Variants in ARHGEF15 observed in about 807,000 individuals in gnomAD.
ARHGEF15 encodes Rho guanine nucleotide exchange factor 15.
Under a neutral mutation model 79.7 loss-of-function variants are expected in ARHGEF15, and 58 were observed. The ratio of observed to expected loss-of-function variants is 0.73; its 90% confidence interval spans 0.59 to 0.91. The LOEUF is 0.91. ARHGEF15 is among the 40% of genes least tolerant of loss of function. The pLI is 0.00. For synonymous variants in ARHGEF15, 442 were observed against 456.0 expected, an observed-to-expected ratio of 0.97 and a Z score of 0.39; for missense variants, 1,012 against 1,108.1, an observed-to-expected ratio of 0.91 and a Z score of 1.23.
At chr17:8,311,226 G>A (rs1904588933) in intron 1 of ARHGEF15, among the ~76,000 whole-genome samples, 1 of 151,978 alleles carries the variant, frequency 6.6e-6, no homozygotes, top group South Asian at 2.1e-4. Context: ...CTTCCTCGAG[G>A]GAGGAAGAGA....
At chr17:8,316,279 C>A in intron 9 of ARHGEF15, 131 bp downstream of exon 9, 1 of 1,375,286 alleles carries the variant, frequency 7.3e-7, no homozygotes, top group South Asian at 1.5e-5. Context: ...AATCATAACT[C>A]CGAATCTGGG....
chr17:8,316,381 G>T (rs915513722), intron 9 of ARHGEF15, among the ~76,000 whole-genome samples: 2 of 152,208 alleles, frequency 1.3e-5, no homozygotes, highest in Non-Finnish European at 2.9e-5. Context: ...GCAGGGAAAG[G>T]CCCTCTGGCT....
Position 8,318,698 on chromosome 17 carries a change from C to T in ARHGEF15, c.1872+36C>T. On this transcript the variant is annotated intron_variant, in intron 11 of 15. Transcript: ENST00000361926. The surrounding 1 kb of genome is among the most constrained non-coding windows in gnomAD (Gnocchi z 5.0). ...GCCCAGGCTCCCCATCTTGCCCTGC[C>T]CCATGTTGCTGCTGCCACGCTAGAA... 1.2e-6 allele frequency: 2 copies of T among 1,610,176 alleles called. No homozygotes were observed. The highest frequency in any genetic ancestry group is 1.7e-6 in the Non-Finnish European group (2 of 1,177,602).
At chr17:8,314,785 G>T in intron 4 of ARHGEF15, 121 bp from the exon 5 acceptor site, 1 of 973,694 alleles carries the variant, frequency 1.0e-6, no homozygotes, top group Non-Finnish European at 1.5e-6. Context: ...GATTTGGGGA[G>T]CCGTCAGGGT....
intron 1 of ARHGEF15, 43 bp from the exon 2 acceptor site, chr17:8,311,948 G>A (rs1325594073): frequency 7.4e-7 from 1 of 1,352,444 alleles, no homozygotes; most frequent in African/African-American, 1.5e-5. Flanking sequence ...TACCCTCCCT[G>A]TGGGGCACTA....
rs943452751 is a variant in ARHGEF15 at position 8,315,918 on chromosome 17, CA to C, written c.1574+12del. On this transcript the variant is annotated intron_variant, in intron 8 of 15. Transcript: ENST00000361926. The surrounding 1 kb of genome is among the most constrained non-coding windows in gnomAD (Gnocchi z 4.3). ...CTACAGCCGCCTCATGTGAGTGTCC[CA>C]GGGGTGGGGAGGAAGCTGGGGAGAG... 1.9e-6 allele frequency: 3 copies of C among 1,607,236 alleles called. No homozygotes were observed. The highest frequency in any genetic ancestry group is 2.7e-5 in the African/African-American group (2 of 74,874).
At chr17:8,320,775 G>T (rs1241768163) in intron 15 of ARHGEF15, 67 bp from the exon 16 acceptor site, 1 of 1,487,074 alleles carries the variant, frequency 6.7e-7, no homozygotes, top group Non-Finnish European at 9.3e-7. Flanking sequence ...ACCCCACGAG[G>T]CCCCCTTTGC....
Position 8,318,518 on chromosome 17 carries a change from T to C in ARHGEF15, c.1780-52T>C. 1 of 1,612,918 alleles carries C rather than the reference T, an allele frequency of 6.2e-7. No homozygotes were observed. Among genetic ancestry groups the C allele is most frequent in the Non-Finnish European group, 8.5e-7 (1 of 1,179,372 alleles). ...GTGACAAGGTGGTAGAGAGAAATGG[T>C]AGGGAGCAGGGGGCTGGCCGCTGGG... On this transcript the variant is annotated intron_variant, in intron 10 of 15. Coordinates refer to ENST00000361926, the MANE Select transcript of ARHGEF15 (RefSeq NM_173728.4). The surrounding 1 kb of genome is among the most constrained non-coding windows in gnomAD (Gnocchi z 5.0).
At chr17:8,311,947 T>C in intron 1 of ARHGEF15, 44 bp from the exon 2 acceptor site, 1 of 1,355,398 alleles carries the variant, frequency 7.4e-7, no homozygotes, top group South Asian at 1.6e-5. Flanking sequence ...TTACCCTCCC[T>C]GTGGGGCACT....
In ARHGEF15 at chr17:8,318,544, G is replaced by T. The variant is rs1207196354; in HGVS notation, c.1780-26G>T. ...AGGGAGCAGGGGGCTGGCCGCTGGG[G>T]TGGTGACACAGCTCCCCTTACCTAG... On this transcript the variant is annotated intron_variant, in intron 10 of 15. Coordinates refer to ENST00000361926, the MANE Select transcript of ARHGEF15 (RefSeq NM_173728.4). The surrounding 1 kb of genome is among the most constrained non-coding windows in gnomAD (Gnocchi z 5.0). 1.9e-6 allele frequency: 3 copies of T among 1,612,714 alleles called. No homozygotes were observed. The highest frequency in any genetic ancestry group is 3.3e-5 in the Admixed American group (2 of 59,946).
chr17:8,312,793 G>C, intron 2 of ARHGEF15, 129 bp from the exon 3 acceptor site: 1 of 1,565,920 alleles, frequency 6.4e-7, no homozygotes, highest in South Asian at 1.1e-5. Context: ...GGGAGTCAGG[G>C]TGGAGGAGAT....
chr17:8,312,800 A>T, intron 2 of ARHGEF15, 122 bp from the exon 3 acceptor site: 1 of 1,553,298 alleles, frequency 6.4e-7, no homozygotes, highest in Non-Finnish European at 8.8e-7. Context: ...AGGGTGGAGG[A>T]GATCTATAGA....
Position 8,316,257 on chromosome 17 carries a change from T to C in ARHGEF15, c.1704+109T>C, listed in dbSNP as rs184366685. The C allele has an allele frequency of 7.7e-5, 110 of 1,433,430 alleles. 1 individual carries two copies. Among genetic ancestry groups the C allele is most frequent in the Admixed American group, 2.4e-5 (1 of 41,456 alleles). The allele number at this position is 1,433,430 out of a possible 1,614,324, so 88.8% of individuals were successfully genotyped here. A position where few individuals can be genotyped will look rare whatever the true frequency, so the allele number is the denominator to read the frequency against. On this transcript the variant is annotated intron_variant, in intron 9 of 15. Coordinates refer to ENST00000361926, the MANE Select transcript of ARHGEF15 (RefSeq NM_173728.4). ...ACCATGCACTACTCCACCTTAAACATAAAATCCCCCAAATCATAACTCCGA... is the reference window on the plus strand; with the variant it reads ...ACCATGCACTACTCCACCTTAAACACAAAATCCCCCAAATCATAACTCCGA...
In ARHGEF15 at chr17:8,315,857, G is replaced by A; in HGVS notation, c.1524G>A (p.Val508=). The change falls in exon 8 of 16, where the codon GTG becomes GTA. Residue 508 remains valine (V), a synonymous_variant. Transcript: ENST00000361926. This position sits in a 1 kb window ranked among gnomAD's most constrained non-coding sequence, Gnocchi z 4.3. The part of the protein sequence containing the change: ...AHAVGPFSVY[V]DYVRNQQYQE... The stretch of plus-strand genomic sequence containing the variant: ...CTGTGGGGCCTTTCTCGGTGTATGT[G>A]GATTATGTGCGGAACCAGCAGTATC... 6.2e-7 allele frequency: 1 copy of A among 1,612,224 alleles called. No homozygotes were observed. Among genetic ancestry groups the A allele is most frequent in the Non-Finnish European group, 8.5e-7 (1 of 1,179,998 alleles).
chr17:8,316,833 A>C (rs1161898842), intron 9 of ARHGEF15, among the ~76,000 whole-genome samples: 2 of 152,176 alleles, frequency 1.3e-5, no homozygotes, highest in African/African-American at 2.4e-5. Context: ...CCCAGGCTGG[A>C]GTACAGTGGC....
chr17:8,315,887 G>A lies in ARHGEF15; in HGVS notation c.1554G>A (p.Glu518=). 1 of 1,610,658 alleles carries A rather than the reference G, an allele frequency of 6.2e-7. No homozygotes were observed. The highest frequency in any genetic ancestry group is 2.2e-5 in the East Asian group (1 of 44,868). ...ATGTGCGGAACCAGCAGTATCAGGA[G>A]GAGACCTACAGCCGCCTCATGTGAG... The part of the protein sequence containing the change: ...VDYVRNQQYQ[E]ETYSRLMDTN... The change falls in exon 8 of 16, where the codon GAG becomes GAA. Residue 518 remains glutamate, a synonymous_variant. Coordinates refer to ENST00000361926, the MANE Select transcript of ARHGEF15 (RefSeq NM_173728.4). This position sits in a 1 kb window ranked among gnomAD's most constrained non-coding sequence, Gnocchi z 4.3.
intron 2 of ARHGEF15, 23 bp from the exon 3 acceptor site, chr17:8,312,899 C>T (rs1421310305): frequency 6.4e-7 from 1 of 1,565,104 alleles, no homozygotes; most frequent in Admixed American, 1.8e-5. Flanking sequence ...GGGCTTTCTC[C>T]TTAGGCTACC....
At position 8,315,517 on chromosome 17, in the gene ARHGEF15, C is replaced by A. The variant is rs755636448; in HGVS notation, c.1364C>A (p.Pro455His). Reference sequence around the variant, plus strand: ...CAGGCACTCCGGGACACGCTCACCCCCCGTGATCACCACACACTCTTCTCC... The same window carrying A: ...CAGGCACTCCGGGACACGCTCACCCACCGTGATCACCACACACTCTTCTCC... The part of the protein sequence containing the change: ...LSQALRDTLT[P>H]RDHHTLFSNV... The change falls in exon 7 of 16, where the codon CCC (proline) becomes CAC (histidine). Residue 455 changes from proline (P) to histidine (H), a missense_variant. Pro to His is a moderately conservative substitution (Grantham distance 77). Around this residue, in one of 3 missense-constraint regions of ARHGEF15, gnomAD observed 818 missense variants for 882.5 expected, o/e 0.93. Coordinates refer to ENST00000361926, the MANE Select transcript of ARHGEF15 (RefSeq NM_173728.4). This position sits in a 1 kb window ranked among gnomAD's most constrained non-coding sequence, Gnocchi z 4.3. 1.9e-6 allele frequency: 3 copies of A among 1,612,294 alleles called. No individual in the cohort carries two copies. The highest frequency in any genetic ancestry group is 1.1e-5 in the South Asian group (1 of 91,066).
At position 8,321,032 on chromosome 17, in the gene ARHGEF15, C is replaced by T; in HGVS notation, c.*39C>T. ...GGGGGCACATGTTGGGAGACACCTACCAGTGTGGCACGGAGAGAACAAAGC... is the reference window on the plus strand; with the variant it reads ...GGGGGCACATGTTGGGAGACACCTATCAGTGTGGCACGGAGAGAACAAAGC... On this transcript the variant is annotated 3_prime_UTR_variant, in exon 16 of 16. Transcript: ENST00000361926. The T allele has an allele frequency of 6.2e-7, 1 of 1,612,630 alleles. No homozygotes were observed.
Sources: gnomAD v4.1 joint callset for allele counts (sites outside exome capture counted in the v4.1 genomes callset) on GRCh38, gnomAD v4.1.1 for gene constraint, gnomAD v4.1.1 regional missense constraint, Gnocchi (gnomAD v3.1) non-coding constraint, MANE v1.5 for transcripts, NCBI Gene and HGNC (gene_info 2026-07-23, HGNC 2026-07-21) for gene names.